The following DOCK11 variants were observed in gnomAD, a reference collection of about 807,000 sequenced individuals.
The protein encoded by DOCK11 is dedicator of cytokinesis 11, also known as dedicator of cytokinesis protein 11.
In DOCK11, 70 loss-of-function variants were observed where a neutral mutation model predicts 169.1. The observed-to-expected ratio is 0.41, with a 90% CI of 0.34 to 0.51. DOCK11 has a LOEUF of 0.51. Ranked by LOEUF, DOCK11 falls within the 20% of genes least tolerant of loss-of-function variation. DOCK11 has a pLI of 0.10. For synonymous variants in DOCK11, 529 were observed against 541.3 expected, an observed-to-expected ratio of 0.98 and a Z score of 0.32; for missense variants, 1,166 against 1,538.8, an observed-to-expected ratio of 0.76 and a Z score of 4.05.
chrX:118,647,996 ATATAT>A (rs1275934260), intron 40 of DOCK11, among the ~76,000 whole-genome samples: 3 of 47,995 alleles, frequency 6.3e-5, no homozygotes, highest in Non-Finnish European at 1.1e-4. Flanking sequence ...ATAATATATA[ATATAT>A]TATTATAATA....
chrX:118,607,741 A>G (rs1474318905), intron 24 of DOCK11, among the ~76,000 whole-genome samples: 1 of 111,434 alleles, frequency 9.0e-6, no homozygotes, highest in Non-Finnish European at 1.9e-5. Flanking sequence ...GGAGATCTCA[A>G]TATTTACCTA....
At chrX:118,615,783 G>C in intron 30 of DOCK11, 72 bp downstream of exon 30, 1 of 800,043 alleles carries the variant, frequency 1.2e-6, no homozygotes, top group Non-Finnish European at 1.8e-6. Flanking sequence ...GTAGTATAAT[G>C]TTTTCTAGTT....
intron 48 of DOCK11, among the ~76,000 whole-genome samples, chrX:118,680,078 C>T (rs1299446914): frequency 9.3e-6 from 1 of 108,021 alleles, no homozygotes; most frequent in Non-Finnish European, 1.9e-5. Flanking sequence ...AGGCTCATGC[C>T]ACCCCGCCTG....
intron 44 of DOCK11, among the ~76,000 whole-genome samples, chrX:118,660,793 A>C (rs1186786611): frequency 9.0e-6 from 1 of 110,762 alleles, no homozygotes; most frequent in Non-Finnish European, 1.9e-5. Flanking sequence ...TATCTACTTT[A>C]TTTGAACAAA....
At chrX:118,632,457 A>G (rs2015269274) in intron 35 of DOCK11, 1 of 112,292 alleles carries the variant, frequency 8.9e-6, no homozygotes. Flanking sequence ...TATCTTTTAT[A>G]TGTATAAAGT....
At chrX:118,646,078 A>G (rs1364847761) in intron 40 of DOCK11, among the ~76,000 whole-genome samples, 1 of 91,635 alleles carries the variant, frequency 1.1e-5, no homozygotes, top group Non-Finnish European at 2.3e-5. Context: ...AAAAAAAAAC[A>G]CAACAACAAC....
At chrX:118,511,299 A>G (rs6646225) in intron 1 of DOCK11, among the ~76,000 whole-genome samples, 2 of 110,312 alleles carry the variant, frequency 1.8e-5, no homozygotes, top group Non-Finnish European at 3.8e-5. Context: ...CTCCTGTTCT[A>G]TTTTTTCTTT....
rs888431342 is a variant in DOCK11 at position 118,607,656 on chromosome X, C to T, written c.2682-416C>T. ...CAATCTTGTGCCCTCGTGATCCACC[C>T]GCCTTGGCCTCCCAAAGTGCTGGGA... On this transcript the variant is annotated intron_variant, in intron 24 of 52. Coordinates refer to ENST00000276202, the MANE Select transcript of DOCK11 (RefSeq NM_144658.4). 7.4e-4 allele frequency among the ~76,000 whole-genome samples: 80 copies of T among 108,266 alleles called. 1 individual carries two copies. The highest frequency in any genetic ancestry group is 2.6e-3 in the African/African-American group (77 of 29,661). The allele number at this position is 108,266 out of a possible 115,157, so 94.0% of individuals were successfully genotyped here.
At chrX:118,579,103 G>T (rs771119575) in intron 13 of DOCK11, among the ~76,000 whole-genome samples, 1 of 112,233 alleles carries the variant, frequency 8.9e-6, no homozygotes, top group South Asian at 3.7e-4. Flanking sequence ...AATTCAAAGG[G>T]CTGCCCTTTA....
At chrX:118,684,571 G>T (rs750811795) in intron 52 of DOCK11, among the ~76,000 whole-genome samples, 1 of 111,217 alleles carries the variant, frequency 9.0e-6, no homozygotes, top group East Asian at 2.8e-4. Flanking sequence ...ACCACGCCTG[G>T]CTGCTTTTGA....
chrX:118,532,654 G>C (rs1041822353), intron 1 of DOCK11, among the ~76,000 whole-genome samples: 5 of 109,059 alleles, frequency 4.6e-5, no homozygotes, highest in African/African-American at 1.3e-4. Flanking sequence ...GGTGGTGGGC[G>C]CCTGTAGCCC....
At chrX:118,580,437 C>T (rs1370290321) in intron 14 of DOCK11, among the ~76,000 whole-genome samples, 1 of 112,027 alleles carries the variant, frequency 8.9e-6, no homozygotes, top group Non-Finnish European at 1.9e-5. Context: ...CTGCCTCAGC[C>T]TCCCAAGTAG....
intron 1 of DOCK11, 65 bp downstream of exon 1, chrX:118,496,138 G>A: frequency 1.3e-6 from 1 of 797,479 alleles, no homozygotes; most frequent in South Asian, 5.2e-5. Flanking sequence ...GCGGGAAGGG[G>A]CAGGAACGGC....
At chrX:118,681,363 A>T in intron 50 of DOCK11, 115 bp downstream of exon 50, 1 of 706,313 alleles carries the variant, frequency 1.4e-6, no homozygotes, top group Non-Finnish European at 2.0e-6. Flanking sequence ...GAGTGCAAAA[A>T]CCTGTGCATT....
At chrX:118,663,101 A>G (rs2016258082) in intron 45 of DOCK11, among the ~76,000 whole-genome samples, 1 of 112,056 alleles carries the variant, frequency 8.9e-6, no homozygotes. Flanking sequence ...TCTTTACTTC[A>G]ACTAAGACAG....
chrX:118,520,292 T>C (rs1010035441), intron 1 of DOCK11, among the ~76,000 whole-genome samples: 4 of 112,520 alleles, frequency 3.6e-5, no homozygotes, highest in African/African-American at 1.3e-4. Flanking sequence ...GGGGAAATTC[T>C]TGCTGGCAGC....
At chrX:118,530,972 G>T (rs1326238754) in intron 1 of DOCK11, among the ~76,000 whole-genome samples, 3 of 111,886 alleles carry the variant, frequency 2.7e-5, no homozygotes, top group Non-Finnish European at 5.6e-5. Context: ...TGACAGAGCA[G>T]CAAGCCTCAC....
intron 1 of DOCK11, among the ~76,000 whole-genome samples, chrX:118,532,532 G>A (rs751175397): frequency 1.5e-3 from 162 of 109,545 alleles, no homozygotes; most frequent in South Asian, 3.2e-3. Flanking sequence ...TGTAATCCCA[G>A]CACTTTGGGA....
chrX:118,676,609 G>A lies in DOCK11; in HGVS notation c.5332G>A (p.Asp1778Asn). The A allele has an allele frequency of 8.6e-7, 1 of 1,162,719 alleles. No individual in the cohort carries two copies. Among genetic ancestry groups the A allele is most frequent in the East Asian group, 3.0e-5 (1 of 33,351 alleles). Reference sequence around the variant, plus strand: ...ATAATAGTCTTTTTTTGAAGAAGAAGATGGAAAGGAGTACATCTATAAAGA... The same window carrying A: ...ATAATAGTCTTTTTTTGAAGAAGAAAATGGAAAGGAGTACATCTATAAAGA... Reference protein sequence around the residue: ...FYGQSFFEEEDGKEYIYKEPK... With the variant: ...FYGQSFFEEENGKEYIYKEPK... The change falls in exon 48 of 53, where the codon GAT becomes AAT. Residue 1778 changes from aspartate (D) to asparagine (N), a missense_variant. Asp to Asn is a conservative substitution (Grantham distance 23). Transcript: ENST00000276202.
Sources: gnomAD v4.1 joint callset for allele counts (sites outside exome capture counted in the v4.1 genomes callset) on GRCh38, gnomAD v4.1.1 for gene constraint, MANE v1.5 for transcripts, NCBI Gene and HGNC (gene_info 2026-07-23, HGNC 2026-07-21) for gene names.